Variants in ANK2 observed in about 807,000 individuals in gnomAD.
The protein encoded by ANK2 is ankyrin-2.
A neutral mutation model predicts 360.5 loss-of-function variants in ANK2; 83 were observed. The ratio of observed to expected loss-of-function variants is 0.23; its 90% CI spans 0.19 to 0.28. ANK2 has a LOEUF of 0.28. Among genes scored for constraint, ANK2 ranks in the 10% least tolerant of loss-of-function variants. The pLI, the probability that ANK2 is intolerant of heterozygous loss-of-function variation, is 1.00. For synonymous variants in ANK2, 1,740 were observed against 1,759.5 expected, an observed-to-expected ratio of 0.99 and a Z score of 0.28; for missense variants, 4,201 against 4,795.7, an observed-to-expected ratio of 0.88 and a Z score of 3.66.
intron 2 of ANK2, among the ~76,000 whole-genome samples, chr4:113,004,660 G>A (rs549646457): frequency 9.2e-5 from 14 of 152,180 alleles, no homozygotes; most frequent in African/African-American, 3.4e-4. Context: ...TAAAAAGTAT[G>A]GTATAGTAAA....
chr4:112,806,210 C>G, the ANK2 span, among the ~76,000 whole-genome samples: 3 of 152,312 alleles, frequency 2.0e-5, no homozygotes, highest in South Asian at 6.2e-4. Context: ...CTCCCCCTCA[C>G]ACTACCCTTC....
chr4:113,123,481 A>G (rs2095489429), intron 1 of ANK2, among the ~76,000 whole-genome samples: 1 of 152,276 alleles, frequency 6.6e-6, no homozygotes. Flanking sequence ...TCTTCTTTAC[A>G]ATAGTCTCAG....
intron 1 of ANK2, among the ~76,000 whole-genome samples, chr4:113,072,765 T>TTTTTG (rs142762570): frequency 0.032 from 3,882 of 120,644 alleles, 110 homozygotes; most frequent in Non-Finnish European, 0.052. Flanking sequence ...TTTTTTTTTT[T>TTTTTG]GCTGTCTTGT....
chr4:112,779,643 T>G, the ANK2 span, among the ~76,000 whole-genome samples: 1 of 152,208 alleles, frequency 6.6e-6, no homozygotes, highest in Non-Finnish European at 1.5e-5. Context: ...ACTCCTCAGA[T>G]ATTATCACTG....
At chr4:113,150,571 T>C (rs1466008145) in intron 1 of ANK2, among the ~76,000 whole-genome samples, 1 of 152,084 alleles carries the variant, frequency 6.6e-6, no homozygotes, top group African/African-American at 2.4e-5. Context: ...AAACTTGGCT[T>C]GAAGGAGTGT....
intron 2 of ANK2, among the ~76,000 whole-genome samples, chr4:112,971,853 A>C (rs2039667186): frequency 6.6e-6 from 1 of 152,238 alleles, no homozygotes; most frequent in Non-Finnish European, 1.5e-5. Context: ...AGACTCAGAC[A>C]TAACATTAAA....
intron 1 of ANK2, among the ~76,000 whole-genome samples, chr4:112,884,221 T>C (rs1308956146): frequency 6.6e-6 from 1 of 152,236 alleles, no homozygotes; most frequent in African/African-American, 2.4e-5. Context: ...CTGGCCTACA[T>C]TGATTTAAAT....
intron 1 of ANK2, among the ~76,000 whole-genome samples, chr4:112,873,049 T>G (rs1030476608): frequency 6.6e-6 from 1 of 152,082 alleles, no homozygotes; most frequent in African/African-American, 2.4e-5. Context: ...TTATGCCTTG[T>G]GAGATTGGTA....
chr4:113,026,024 T>C (rs879321780), intron 2 of ANK2, among the ~76,000 whole-genome samples: 4 of 152,204 alleles, frequency 2.6e-5, no homozygotes, highest in African/African-American at 4.8e-5. Context: ...AATTGCTTGC[T>C]TTCTTGGTCA....
chr4:113,221,730 G>GA (rs2099154520), intron 4 of ANK2, among the ~76,000 whole-genome samples: 1 of 152,000 alleles, frequency 6.6e-6, no homozygotes, highest in Non-Finnish European at 1.5e-5. Flanking sequence ...GTAGTTTGTT[G>GA]AAAATAGATT....
rs34098456 is a variant in ANK2 at position 113,072,742 on chromosome 4, A to ATTTTTTT, written c.84+22947_84+22953dup. Among the ~76,000 whole-genome samples the ATTTTTTT allele has an allele frequency of 6.2e-3, 462 of 74,158 alleles. 10 individuals are homozygous for ATTTTTTT. The highest frequency in any genetic ancestry group is 0.018 in the African/African-American group (392 of 22,394). The allele number at this position is 74,158 out of a possible 152,430, so 48.7% of individuals were successfully genotyped here. A position where few individuals can be genotyped will look rare whatever the true frequency, so the allele number is the denominator to read the frequency against. On this transcript the variant is annotated intron_variant, in intron 1 of 45. Coordinates refer to ENST00000357077, the MANE Select transcript of ANK2 (RefSeq NM_001148.6). ...TCCCTTAAAATAGACACTTGGCATA[A>ATTTTTTT]TTTTTTTTTTTTTTTTTTTTTTTGC...
chr4:112,751,845 T>C, the ANK2 span, among the ~76,000 whole-genome samples: 1 of 152,156 alleles, frequency 6.6e-6, no homozygotes, highest in African/African-American at 2.4e-5. Flanking sequence ...ATAGGGGATG[T>C]GGAGGATGTG....
the ANK2 span, among the ~76,000 whole-genome samples, chr4:112,766,253 G>A: frequency 2.8e-4 from 43 of 151,854 alleles, no homozygotes; most frequent in African/African-American, 8.9e-4. Context: ...CCTGGGAGGC[G>A]GAGGTTGCAG....
intron 14 of ANK2, among the ~76,000 whole-genome samples, chr4:113,268,044 C>T (rs2056935497): frequency 6.6e-6 from 1 of 152,056 alleles, no homozygotes; most frequent in Non-Finnish European, 1.5e-5. Flanking sequence ...TAATTTGCCT[C>T]TCTGTTTGTC....
At chr4:113,114,707 A>C (rs1033243954) in intron 1 of ANK2, among the ~76,000 whole-genome samples, 3 of 152,220 alleles carry the variant, frequency 2.0e-5, no homozygotes, top group Non-Finnish European at 2.9e-5. Flanking sequence ...CAATGAAATA[A>C]AAGGTTTTTT....
At chr4:112,998,508 C>CT (rs1241261539) in intron 2 of ANK2, among the ~76,000 whole-genome samples, 1 of 152,118 alleles carries the variant, frequency 6.6e-6, no homozygotes, top group Non-Finnish European at 1.5e-5. Flanking sequence ...CCCAGTGAGC[C>CT]TAGTTAGAGT....
the ANK2 span, among the ~76,000 whole-genome samples, chr4:112,805,516 A>G: frequency 1.1e-4 from 16 of 151,966 alleles, no homozygotes; most frequent in South Asian, 8.3e-4. Flanking sequence ...TCAAGAGCCA[A>G]TGTTCCTGGG....
Position 113,355,223 on chromosome 4 carries a change from C to T in ANK2, c.6605C>T (p.Ser2202Phe), listed in dbSNP as rs1429210825. ...CAAAGCGGTGCTTTAGATGGCAGTT[C>T]TGAAAGCCTAAAGAATGAGGGGGTA... is the stretch of plus-strand genomic sequence containing the variant. The part of the protein sequence containing the change: ...SLQSGALDGS[S>F]ESLKNEGVAG... The change falls in exon 38 of 46, where the codon TCT (serine) becomes TTT (phenylalanine). Residue 2202 changes from serine to phenylalanine, a missense_variant. Physicochemically the swap from Ser to Phe is radical, Grantham distance 155 (BLOSUM62 -2). Around this residue, in one of 4 missense-constraint regions of ANK2, gnomAD observed 2,642 missense variants for 2,714.5 expected, o/e 0.97. Coordinates refer to ENST00000357077, the MANE Select transcript of ANK2 (RefSeq NM_001148.6). 1.2e-6 allele frequency: 2 copies of T among 1,613,968 alleles called. No homozygotes were observed. Among genetic ancestry groups the T allele is most frequent in the African/African-American group, 1.3e-5 (1 of 74,902 alleles).
intron 2 of ANK2, among the ~76,000 whole-genome samples, chr4:113,182,782 T>C (rs989497459): frequency 2.0e-5 from 3 of 152,140 alleles, no homozygotes; most frequent in African/African-American, 7.2e-5. Context: ...GCTCATTCAA[T>C]GGATGACGGG....
Sources: allele counts gnomAD v4.1 joint callset (sites outside exome capture counted in the v4.1 genomes callset), GRCh38; gene constraint gnomAD v4.1.1; regional missense constraint gnomAD v4.1.1; transcripts MANE v1.5; gene names NCBI Gene and HGNC (gene_info 2026-07-23, HGNC 2026-07-21).